GEMIN5: variants seen among roughly 807,000 people sequenced by gnomAD.
The protein encoded by GEMIN5 is gem nuclear organelle associated protein 5.
A neutral mutation model predicts 176.9 loss-of-function variants in GEMIN5; 124 were observed. That is an observed-to-expected ratio of 0.70 (90% CI 0.61 to 0.81). GEMIN5 has a LOEUF of 0.81. Ranked by LOEUF, GEMIN5 falls within the 40% of genes least tolerant of loss-of-function variation. GEMIN5 has a pLI of 0.00. For synonymous variants in GEMIN5, 673 were observed against 665.2 expected (o/e 1.01, Z -0.18); for missense variants, 1,843 against 1,814.6 (o/e 1.02, Z -0.28).
At chr5:154,895,565 A>G (rs1302854958) in intron 24 of GEMIN5, among the ~76,000 whole-genome samples, 4 of 152,218 alleles carry the variant, frequency 2.6e-5, no homozygotes, top group Non-Finnish European at 5.9e-5. Context: ...ACTTTGCCCT[A>G]CTGTTTTTAT....
At chr5:154,914,202 G>C (rs2644742) in intron 13 of GEMIN5, among the ~76,000 whole-genome samples, 86,486 of 151,906 alleles carry the variant, frequency 0.57, 26,155 homozygotes, top group Non-Finnish European at 0.69. Flanking sequence ...TGTATTTTTA[G>C]TAGAGACAGG....
At chr5:154,916,625 C>G (rs1164056450) in intron 13 of GEMIN5, among the ~76,000 whole-genome samples, 2 of 152,014 alleles carry the variant, frequency 1.3e-5, no homozygotes, top group Admixed American at 6.6e-5. Context: ...GTAGCTGGGA[C>G]TAAAGGCATG....
intron 27 of GEMIN5, among the ~76,000 whole-genome samples, chr5:154,889,023 C>T (rs896171497): frequency 1.3e-5 from 2 of 151,934 alleles, no homozygotes; most frequent in African/African-American, 4.8e-5. Flanking sequence ...ACTACAGGCA[C>T]CTGCCCCCAC....
At chr5:154,898,132 C>T (rs1763391843) in intron 23 of GEMIN5, among the ~76,000 whole-genome samples, 1 of 152,138 alleles carries the variant, frequency 6.6e-6, no homozygotes, top group Non-Finnish European at 1.5e-5. Context: ...AACTCCTGAC[C>T]TCAAGTGATC....
chr5:154,934,639 A>T (rs1764230298), intron 3 of GEMIN5, among the ~76,000 whole-genome samples: 1 of 151,996 alleles, frequency 6.6e-6, no homozygotes, highest in Admixed American at 6.6e-5. Flanking sequence ...AAATACCCGT[A>T]CGCCCCGTCT....
intron 17 of GEMIN5, 133 bp from the exon 18 acceptor site, chr5:154,904,762 A>G: frequency 1.6e-6 from 1 of 624,336 alleles, no homozygotes. Flanking sequence ...CCTAATAAAG[A>G]GGCTTTCAAA....
At chr5:154,891,835 A>C in intron 25 of GEMIN5, 93 bp from the exon 26 acceptor site, 2 of 1,212,464 alleles carry the variant, frequency 1.6e-6, no homozygotes, top group South Asian at 3.0e-5. Flanking sequence ...TTATCAACCA[A>C]GAAGCAGACC....
Position 154,891,253 on chromosome 5 carries a change from G to A in GEMIN5, c.4250C>T (p.Ser1417Phe), listed in dbSNP as rs57097969. The A allele has an allele frequency of 6.2e-7, 1 of 1,613,062 alleles. No individual in the cohort carries two copies. The highest frequency in any genetic ancestry group is 8.5e-7 in the Non-Finnish European group (1 of 1,179,324). Residue 1417 changes from serine (S) to phenylalanine (F), a missense_variant, in exon 26 of 28, where the codon TCT becomes TTT. By Grantham distance (155) the Ser-to-Phe change is radical (BLOSUM62 -2). Transcript: ENST00000285873. ...CCTCAGTACTTACCACTGGCTCTGA[G>A]AACTGCAGAGGGGCTGCTCTGCTTC... ...EVEAEQPLCS[S>F]QSQCKEEKNE...
intron 24 of GEMIN5, among the ~76,000 whole-genome samples, chr5:154,895,000 A>G (rs1214815753): frequency 6.6e-6 from 1 of 151,718 alleles, no homozygotes. Context: ...AATTGCTTGA[A>G]CCTGGGAGGC....
chr5:154,888,306 A>C lies in GEMIN5; in HGVS notation c.4431T>G (p.Cys1477Trp), dbSNP rs767968893. The C allele has an allele frequency of 3.3e-5, 53 of 1,614,170 alleles. No individual in the cohort carries two copies. The East Asian group carries it at 5.3e-4, about 16-fold the overall frequency. The change falls in exon 28 of 28, where the codon TGT (cysteine) becomes TGG (tryptophan). Residue 1477 changes from cysteine (C) to tryptophan (W), a missense_variant. By Grantham distance (215) the Cys-to-Trp change is radical. Coordinates refer to ENST00000285873, the MANE Select transcript of GEMIN5 (RefSeq NM_015465.5). ...CCTGCTGCTGCATTTCCTGGGCCAG[A>C]CAGCCAGGAAAGTGGGACCTGATGA... The part of the protein sequence containing the change: ...LLLIRSHFPG[C>W]LAQEMQQQAQ...
intron 24 of GEMIN5, among the ~76,000 whole-genome samples, chr5:154,893,688 A>C (rs1446466175): frequency 6.6e-6 from 1 of 152,198 alleles, no homozygotes; most frequent in Non-Finnish European, 1.5e-5. Context: ...ATGGAACCAC[A>C]GAGTATATAG....
chr5:154,908,332 A>C (rs1763617598), intron 15 of GEMIN5, among the ~76,000 whole-genome samples: 1 of 151,968 alleles, frequency 6.6e-6, no homozygotes, highest in Non-Finnish European at 1.5e-5. Context: ...AGGCACGCAC[A>C]ACCACGCCCA....
At position 154,902,691 on chromosome 5, in the gene GEMIN5, G is replaced by C. The variant is rs747490241; in HGVS notation, c.2729-15C>G. The C allele has an allele frequency of 2.5e-6, 4 of 1,612,492 alleles. No individual in the cohort carries two copies. The highest frequency in any genetic ancestry group is 3.4e-6 in the Non-Finnish European group (4 of 1,178,922). ...GTGACCTTTTCCTGTTTGAAAGAGA[G>C]ATAATGTTTGGAAGGTGTTTCAGAA... On this transcript the variant is annotated splice_polypyrimidine_tract_variant and intron_variant, in intron 19 of 27. Coordinates refer to ENST00000285873, the MANE Select transcript of GEMIN5 (RefSeq NM_015465.5).
chr5:154,888,588 C>G (rs994177139), intron 27 of GEMIN5, among the ~76,000 whole-genome samples: 7 of 152,172 alleles, frequency 4.6e-5, no homozygotes, highest in Admixed American at 1.3e-4. Context: ...ACTGCGATGT[C>G]CTTCTCAATG....
intron 18 of GEMIN5, 114 bp downstream of exon 18, chr5:154,904,393 A>C (rs1763527398): frequency 1.0e-6 from 1 of 958,470 alleles, no homozygotes; most frequent in South Asian, 1.5e-5. Flanking sequence ...GAACATAAAA[A>C]TACAGAAAAC....
In GEMIN5 at chr5:154,921,362, T is replaced by G; in HGVS notation, c.1443A>C (p.Pro481=). ...ACTTACCAAGTGACATGGGGGGTAC[T>G]GGTGGCCCCCAGGCTAAAGTATATA... ...KTVYTLAWGP[P]VPPMSLGGEG... Residue 481 remains proline (P), a synonymous_variant, in exon 10 of 28, where the codon CCA becomes CCC. Coordinates refer to ENST00000285873, the MANE Select transcript of GEMIN5 (RefSeq NM_015465.5). The G allele has an allele frequency of 2.1e-6, 3 of 1,431,942 alleles. No individual in the cohort carries two copies. The highest frequency in any genetic ancestry group is 2.9e-6 in the Non-Finnish European group (3 of 1,020,912). 88.7% of individuals were successfully genotyped at this position (1,431,942 alleles called of 1,614,324 possible).
chr5:154,934,510 C>G (rs1764226369), intron 3 of GEMIN5, among the ~76,000 whole-genome samples: 1 of 152,134 alleles, frequency 6.6e-6, no homozygotes, highest in South Asian at 2.1e-4. Flanking sequence ...TGGGGCTTCA[C>G]CATGTTGGCC....
intron 3 of GEMIN5, among the ~76,000 whole-genome samples, chr5:154,933,803 AGCTTTCT>A (rs1764212005): frequency 6.6e-6 from 1 of 152,012 alleles, no homozygotes; most frequent in African/African-American, 2.4e-5. Flanking sequence ...ATCTGAATCA[AGCTTTCT>A]GGGAATAATA....
intron 25 of GEMIN5, 24 bp downstream of exon 25, chr5:154,892,363 C>T (rs1318240410): frequency 3.1e-6 from 5 of 1,600,082 alleles, no homozygotes; most frequent in Non-Finnish European, 4.3e-6. Flanking sequence ...AAGGGTGTGC[C>T]TCAGGCAGCA....
Sources: allele counts gnomAD v4.1 joint callset (sites outside exome capture counted in the v4.1 genomes callset), GRCh38; gene constraint gnomAD v4.1.1; transcripts MANE v1.5; gene names NCBI Gene and HGNC (gene_info 2026-07-23, HGNC 2026-07-21).